Variants in TAF2 observed in about 807,000 individuals in gnomAD.
The protein encoded by TAF2 is TATA-box binding protein associated factor 2.
A neutral mutation model predicts 138.5 loss-of-function variants in TAF2; 61 were observed. The ratio of observed to expected loss-of-function variants is 0.44; its 90% CI spans 0.36 to 0.54. The LOEUF (loss-of-function observed/expected upper bound fraction) is 0.54, where lower values mean the gene tolerates loss of function less well. Among genes scored for constraint, TAF2 ranks in the 20% least tolerant of loss-of-function variants. The probability of loss-of-function intolerance (pLI) is 0.00; values close to 1 mark genes in which losing one functional copy is unlikely to be tolerated. For missense variants in TAF2, 1,090 were observed against 1,427.9 expected, an observed-to-expected ratio of 0.76 and a Z score of 3.81; for synonymous variants, 475 against 469.9, an observed-to-expected ratio of 1.01 and a Z score of -0.14.
chr8:119,768,095 C>T (rs562792289), intron 18 of TAF2, among the ~76,000 whole-genome samples: 8 of 152,290 alleles, frequency 5.3e-5, no homozygotes, highest in East Asian at 1.9e-4. Flanking sequence ...CCTTCCTCAG[C>T]GAAAGAACAG....
At chr8:119,755,676 G>A (rs1820655721) in intron 22 of TAF2, among the ~76,000 whole-genome samples, 1 of 152,076 alleles carries the variant, frequency 6.6e-6, no homozygotes, top group Non-Finnish European at 1.5e-5. Context: ...TAGATGGCCA[G>A]GGAAAGACGT....
intron 25 of TAF2, among the ~76,000 whole-genome samples, chr8:119,741,571 C>T (rs1324499776): frequency 1.3e-5 from 2 of 152,162 alleles, no homozygotes; most frequent in Non-Finnish European, 2.9e-5. Flanking sequence ...CAACGGTAAG[C>T]AATCAACAGT....
chr8:119,768,555 A>C (rs1821606843), intron 18 of TAF2, among the ~76,000 whole-genome samples: 1 of 152,168 alleles, frequency 6.6e-6, no homozygotes. Flanking sequence ...TTTTGAATGT[A>C]TTGAGACTTG....
chr8:119,758,137 T>G lies in TAF2; in HGVS notation c.2704A>C (p.Arg902=), dbSNP rs777998983. The G allele has an allele frequency of 6.2e-7, 1 of 1,611,314 alleles. No homozygotes were observed. Among genetic ancestry groups the G allele is most frequent in the Non-Finnish European group, 8.5e-7 (1 of 1,178,256 alleles). The change falls in exon 21 of 26, where the codon AGA becomes CGA. Residue 902 remains arginine, a synonymous_variant. Coordinates refer to ENST00000378164, the MANE Select transcript of TAF2 (RefSeq NM_003184.4). ...EAVVDYTKVD[R]SYEELQWLLN... ...AGCCATTGCAGTTCTTCATAACTTC[T>G]GTCCACTGAAAATAAAAGAAAATAT... is the stretch of plus-strand genomic sequence containing the variant.
intron 17 of TAF2, among the ~76,000 whole-genome samples, chr8:119,778,952 G>A (rs978566077): frequency 6.6e-6 from 1 of 152,186 alleles, no homozygotes; most frequent in African/African-American, 2.4e-5. Context: ...CCTCTAAAAT[G>A]GAGGTCAGAA....
rs570448664 is a variant in TAF2, at chr8:119,791,480, T to C, written c.1278-21A>G. 227 of 1,609,540 alleles carry C rather than the reference T, an allele frequency of 1.4e-4. 2 individuals carry two copies. The South Asian group carries it at 2.4e-3, about 17-fold the overall frequency. ...CCGGACTAAAAAAAATAAACACATTTACCTAATACAGCAAATGTGACTATT... is the reference window on the plus strand; with the variant it reads ...CCGGACTAAAAAAAATAAACACATTCACCTAATACAGCAAATGTGACTATT... On this transcript the variant is annotated intron_variant, in intron 10 of 25. Coordinates refer to ENST00000378164, the MANE Select transcript of TAF2 (RefSeq NM_003184.4).
At chr8:119,744,981 C>T (rs1254097361) in intron 23 of TAF2, 4 of 456,094 alleles carry the variant, frequency 8.8e-6, no homozygotes, top group Non-Finnish European at 1.8e-5. Flanking sequence ...CCTCTTCACT[C>T]CCTGCTGATG....
At position 119,783,592 on chromosome 8, in the gene TAF2, A is replaced by C; in HGVS notation, c.1901T>G (p.Met634Arg). The C allele has an allele frequency of 6.2e-7, 1 of 1,614,174 alleles. No homozygotes were observed. The highest frequency in any genetic ancestry group is 8.5e-7 in the Non-Finnish European group (1 of 1,180,018). ...PLLWIRIDPD[M>R]SVLRKVEFEQ... ...AAATTCTACCTTCCTCAATACTGAC[A>C]TATCTGGGTCTATCCTTATCCACAG... The change falls in exon 16 of 26, where the codon ATG becomes AGG. Residue 634 changes from methionine (M) to arginine (R), a missense_variant. This residue lies in a region of TAF2 where 580 missense variants were observed against 719.6 expected (regional missense o/e 0.81). Transcript: ENST00000378164.
intron 2 of TAF2, among the ~76,000 whole-genome samples, chr8:119,829,225 T>A (rs1242505394): frequency 6.6e-6 from 1 of 152,200 alleles, no homozygotes; most frequent in African/African-American, 2.4e-5. Flanking sequence ...TCCAACAGTT[T>A]CCACAAAAAG....
At chr8:119,797,994 AGT>A in intron 6 of TAF2, 148 bp from the exon 7 acceptor site, 1 of 798,390 alleles carries the variant, frequency 1.3e-6, no homozygotes, top group East Asian at 2.7e-5. Context: ...TTGTGAAAAT[AGT>A]GATCACTTTT....
At chr8:119,735,613 C>T (rs187956115) in intron 25 of TAF2, among the ~76,000 whole-genome samples, 2 of 152,154 alleles carry the variant, frequency 1.3e-5, no homozygotes, top group East Asian at 3.9e-4. Flanking sequence ...GTAATAAAGC[C>T]AACACTAATA....
At chr8:119,832,158 A>ATTTTT (rs1826495264) in intron 1 of TAF2, among the ~76,000 whole-genome samples, 1 of 151,924 alleles carries the variant, frequency 6.6e-6, no homozygotes, top group Non-Finnish European at 1.5e-5. Context: ...CTCCGTCTTA[A>ATTTTT]AAATTAAAAA....
chr8:119,788,479 G>T, intron 13 of TAF2, 32 bp from the exon 14 acceptor site: 1 of 1,543,644 alleles, frequency 6.5e-7, no homozygotes, highest in Non-Finnish European at 8.9e-7. Flanking sequence ...GTTCAGAGAT[G>T]TGATTTAAAA....
intron 22 of TAF2, among the ~76,000 whole-genome samples, chr8:119,748,449 C>T (rs1178916214): frequency 6.6e-6 from 1 of 151,050 alleles, no homozygotes. Flanking sequence ...ACTGTGCATG[C>T]TATAATGTTG....
At chr8:119,756,845 T>C (rs1820732079) in intron 21 of TAF2, among the ~76,000 whole-genome samples, 1 of 152,076 alleles carries the variant, frequency 6.6e-6, no homozygotes, top group South Asian at 2.1e-4. Context: ...CTGCTATGAG[T>C]AGAAGACACC....
chr8:119,791,021 G>A (rs1022194722), intron 11 of TAF2, among the ~76,000 whole-genome samples: 2 of 151,760 alleles, frequency 1.3e-5, no homozygotes, highest in Non-Finnish European at 2.9e-5. Flanking sequence ...GGCTGGTCTC[G>A]AACCCCTGGC....
intron 18 of TAF2, among the ~76,000 whole-genome samples, chr8:119,776,339 T>C (rs942278525): frequency 7.1e-6 from 1 of 140,206 alleles, no homozygotes; most frequent in African/African-American, 2.7e-5. Flanking sequence ...TTAATAAACA[T>C]GCCTGTGCTT....
intron 25 of TAF2, among the ~76,000 whole-genome samples, chr8:119,740,679 A>AG (rs753623441): frequency 0.061 from 3,885 of 63,792 alleles, 75 homozygotes; most frequent in Non-Finnish European, 0.085. Context: ...AAAAAAAAAA[A>AG]GAAAAGAAAA....
chr8:119,744,695 GAGA>G (rs1819835760), intron 23 of TAF2: 3 of 422,814 alleles, frequency 7.1e-6, no homozygotes, highest in Non-Finnish European at 1.3e-5. Flanking sequence ...CCCCCAAACA[GAGA>G]AGAATTATGT....
Sources: gnomAD v4.1 joint callset for allele counts (sites outside exome capture counted in the v4.1 genomes callset) on GRCh38, gnomAD v4.1.1 for gene constraint, gnomAD v4.1.1 regional missense constraint, MANE v1.5 for transcripts, NCBI Gene and HGNC (gene_info 2026-07-23, HGNC 2026-07-21) for gene names.